GYS1: variants seen among roughly 807,000 people sequenced by gnomAD.
GYS1 encodes the protein glycogen synthase 1, also known as glycogen [starch] synthase, muscle.
GYS1 carries 60 observed loss-of-function variants against 89.1 expected under a neutral mutation model. That is an observed-to-expected ratio of 0.67 (90% CI 0.55 to 0.84). GYS1 has a LOEUF of 0.84. GYS1 is among the 40% of genes least tolerant of loss of function. GYS1 has a pLI of 0.00. For synonymous variants in GYS1, 366 were observed against 401.7 expected, an observed-to-expected ratio of 0.91 and a Z score of 1.06; for missense variants, 888 against 1,003.1, an observed-to-expected ratio of 0.89 and a Z score of 1.55.
chr19:48,969,965 C>G (rs2038531760), intron 14 of GYS1, 110 bp from the exon 15 acceptor site: 2 of 726,904 alleles, frequency 2.8e-6, no homozygotes, highest in Non-Finnish European at 5.0e-6. Flanking sequence ...CACTGCTGCA[C>G]CCCATACAAA....
rs1046594792 is a variant in GYS1 at position 48,991,763 on chromosome 19, G to A, written c.119-280C>T. 6.6e-6 allele frequency among the ~76,000 whole-genome samples: 1 copy of A among 152,132 alleles called. No individual in the cohort carries two copies. The highest frequency in any genetic ancestry group is 2.4e-5 in the African/African-American group (1 of 41,408). Reference sequence around the variant, plus strand: ...AGGCTAGACTTCTGGGTCTGAGAGAGAAGGGGCTGGGTGCCGGGACCCCTT... The same window carrying A: ...AGGCTAGACTTCTGGGTCTGAGAGAAAAGGGGCTGGGTGCCGGGACCCCTT... On this transcript the variant is annotated intron_variant, in intron 1 of 15. Transcript: ENST00000323798. This position sits in a 1 kb window ranked among gnomAD's most constrained non-coding sequence, Gnocchi z 4.7.
At chr19:48,987,730 G>A (rs551779378) in intron 2 of GYS1, among the ~76,000 whole-genome samples, 83 of 151,900 alleles carry the variant, frequency 5.5e-4, no homozygotes, top group African/African-American at 1.9e-3. Flanking sequence ...TCTGTCTCCC[G>A]GGTTCAAGCA....
In GYS1 at chr19:48,985,696, G is replaced by C. The variant is rs540275108; in HGVS notation, c.679-91C>G. On this transcript the variant is annotated intron_variant, in intron 4 of 15. Coordinates refer to ENST00000323798, the MANE Select transcript of GYS1 (RefSeq NM_002103.5). Reference sequence around the variant, plus strand: ...TGGGGTCCCAAGAGAAATTGGTGCTGGGGGCTGGATTCCTGGGTCTGAGGT... The same window carrying C: ...TGGGGTCCCAAGAGAAATTGGTGCTCGGGGCTGGATTCCTGGGTCTGAGGT... 83 of 1,538,450 alleles carry C rather than the reference G, an allele frequency of 5.4e-5. No individual in the cohort carries two copies. In the African/African-American group the frequency reaches 1.1e-3, roughly 20 times the overall value.
chr19:48,989,918 T>C (rs1055317824), intron 2 of GYS1, among the ~76,000 whole-genome samples: 1 of 144,614 alleles, frequency 6.9e-6, no homozygotes, highest in African/African-American at 2.6e-5. Flanking sequence ...GCAGCCCCGC[T>C]CCTCGCCGAC....
intron 12 of GYS1, among the ~76,000 whole-genome samples, chr19:48,973,294 C>T (rs1247993526): frequency 4.0e-5 from 6 of 150,742 alleles, no homozygotes; most frequent in Non-Finnish European, 7.4e-5. Context: ...GAGTCAATTA[C>T]ACCTCTTTCC....
At chr19:48,977,861 TG>T in intron 10 of GYS1, 62 bp downstream of exon 10, 1 of 1,283,136 alleles carries the variant, frequency 7.8e-7, no homozygotes, top group Non-Finnish European at 1.1e-6. Flanking sequence ...TGAGCTGGCC[TG>T]GCAAGCTGCC....
Position 48,969,235 on chromosome 19 carries a change from T to C in GYS1, c.*53A>G, listed in dbSNP as rs1290127981. Reference sequence around the variant, plus strand: ...GGTTTAGGAGCAGCACCCCTCTGCATCCTCTCTCTGGAGCAGAGAGGCAGG... The same window carrying C: ...GGTTTAGGAGCAGCACCCCTCTGCACCCTCTCTCTGGAGCAGAGAGGCAGG... On this transcript the variant is annotated 3_prime_UTR_variant, in exon 16 of 16. Transcript: ENST00000323798. 6.9e-7 allele frequency: 1 copy of C among 1,454,328 alleles called. No homozygotes were observed. 90.1% of individuals were successfully genotyped at this position (1,454,328 alleles called of 1,614,324 possible).
At chr19:48,977,797 T>A (rs941558760) in intron 10 of GYS1, 127 bp downstream of exon 10, 10 of 758,824 alleles carry the variant, frequency 1.3e-5, no homozygotes, top group African/African-American at 3.4e-5. Context: ...TCAGAATAGA[T>A]CCCTTCATAA....
chr19:48,969,547 G>T lies in GYS1; in HGVS notation c.1955C>A (p.Ser652Tyr). 6.5e-7 allele frequency: 1 copy of T among 1,540,912 alleles called. No homozygotes were observed. ...CTCGTCCTCACTCTGGTGCGGGCTG[G>T]AGTGTCGTGACAGCGAGGGCGACGG... is the stretch of plus-strand genomic sequence containing the variant. ...VPPSPSLSRH[S>Y]SPHQSEDEED... Residue 652 changes from serine to tyrosine, a missense_variant, in exon 16 of 16, where the codon TCC becomes TAC. By Grantham distance (144) the Ser-to-Tyr change is moderately radical. Transcript: ENST00000323798.
chr19:48,977,269 C>A (rs1160783772), intron 10 of GYS1, among the ~76,000 whole-genome samples: 5 of 152,158 alleles, frequency 3.3e-5, no homozygotes, highest in Non-Finnish European at 5.9e-5. Context: ...CCACACCTGG[C>A]CCTTTATTAC....
At chr19:48,982,040 G>A (rs2038772363) in intron 7 of GYS1, among the ~76,000 whole-genome samples, 1 of 152,088 alleles carries the variant, frequency 6.6e-6, no homozygotes, top group Admixed American at 6.6e-5. Flanking sequence ...CTACACGTGT[G>A]AGCCACCATG....
In GYS1 at chr19:48,969,547, G is replaced by A; in HGVS notation, c.1955C>T (p.Ser652Phe). The change falls in exon 16 of 16, where the codon TCC becomes TTC. Residue 652 changes from serine (S) to phenylalanine (F), a missense_variant. By Grantham distance (155) the Ser-to-Phe change is radical (BLOSUM62 -2). Transcript: ENST00000323798. ...VPPSPSLSRH[S>F]SPHQSEDEED... ...CTCGTCCTCACTCTGGTGCGGGCTG[G>A]AGTGTCGTGACAGCGAGGGCGACGG... 6.5e-7 allele frequency: 1 copy of A among 1,540,912 alleles called. No homozygotes were observed. The highest frequency in any genetic ancestry group is 8.7e-7 in the Non-Finnish European group (1 of 1,146,882).
At position 48,991,549 on chromosome 19, in the gene GYS1, G is replaced by T. The variant is rs1308860401; in HGVS notation, c.119-66C>A. On this transcript the variant is annotated intron_variant, in intron 1 of 15. Coordinates refer to ENST00000323798, the MANE Select transcript of GYS1 (RefSeq NM_002103.5). The surrounding 1 kb of genome is among the most constrained non-coding windows in gnomAD (Gnocchi z 4.7). ...CCATAGTTCTGGGGCCTGGGGTGGG[G>T]TGGGCCGGGGATGTAGGGGGCACTC... The T allele has an allele frequency of 4.6e-6, 7 of 1,509,674 alleles. No individual in the cohort carries two copies. Among genetic ancestry groups the T allele is most frequent in the African/African-American group, 1.4e-5 (1 of 73,086 alleles). The allele number at this position is 1,509,674 out of a possible 1,614,324, so 93.5% of individuals were successfully genotyped here.
intron 8 of GYS1, 87 bp from the exon 9 acceptor site, chr19:48,978,244 A>G (rs2038692112): frequency 8.2e-7 from 1 of 1,216,842 alleles, no homozygotes; most frequent in East Asian, 2.3e-5. Flanking sequence ...GTTTATTTTG[A>G]GACGGAGTTT....
intron 10 of GYS1, among the ~76,000 whole-genome samples, chr19:48,975,724 G>A (rs893185736): frequency 3.3e-5 from 5 of 151,700 alleles, no homozygotes; most frequent in Middle Eastern, 3.4e-3. Flanking sequence ...TCAGGAGATC[G>A]AGACCATCCT....
intron 10 of GYS1, 86 bp from the exon 11 acceptor site, chr19:48,974,819 G>A: frequency 1.1e-6 from 1 of 923,610 alleles, no homozygotes; most frequent in Non-Finnish European, 1.8e-6. Flanking sequence ...CCCTGGGGGA[G>A]CCAAGGAGAC....
Position 48,987,384 on chromosome 19 carries a change from A to C in GYS1, c.302T>G (p.Val101Gly). ...LDSMNSKGCKVYFGRWLIEGG... is the reference protein window; with the variant it reads ...LDSMNSKGCKGYFGRWLIEGG... Reference sequence around the variant, plus strand: ...CTCGATCAGCCAGCGCCCGAAATACACCTGGGATGGGGTTGGGGAGGCACC... The same window carrying C: ...CTCGATCAGCCAGCGCCCGAAATACCCCTGGGATGGGGTTGGGGAGGCACC... Residue 101 changes from valine (V) to glycine (G), a missense_variant and splice_region_variant, in exon 3 of 16, where the codon GTG (valine) becomes GGG (glycine). By Grantham distance (109) the Val-to-Gly change is moderately radical. Transcript: ENST00000323798. 3 of 1,594,940 alleles carry C rather than the reference A, an allele frequency of 1.9e-6. No homozygotes were observed. The highest frequency in any genetic ancestry group is 2.6e-6 in the Non-Finnish European group (3 of 1,169,760).
intron 12 of GYS1, among the ~76,000 whole-genome samples, chr19:48,971,803 G>A (rs980869846): frequency 1.3e-5 from 2 of 150,424 alleles, no homozygotes; most frequent in African/African-American, 4.9e-5. Flanking sequence ...TGATCCATCC[G>A]TCTTGGCTTC....
chr19:48,990,049 C>A (rs577565729), intron 2 of GYS1, among the ~76,000 whole-genome samples: 1 of 145,766 alleles, frequency 6.9e-6, no homozygotes, highest in South Asian at 2.2e-4. Flanking sequence ...GAAGCAGCTG[C>A]CCTCAGGAAG....
Sources: allele counts gnomAD v4.1 joint callset (sites outside exome capture counted in the v4.1 genomes callset), GRCh38; gene constraint gnomAD v4.1.1; non-coding constraint Gnocchi (gnomAD v3.1); transcripts MANE v1.5; gene names NCBI Gene and HGNC (gene_info 2026-07-23, HGNC 2026-07-21).